The following PCDH11Y variants were observed in gnomAD, a reference collection of about 807,000 sequenced individuals.
PCDH11Y encodes protocadherin-11 Y-linked.
For missense variants in PCDH11Y, 12 were observed against 224.8 expected (o/e 0.05, Z 6.05); for synonymous variants, 9 against 83.6 (o/e 0.11, Z 4.87).
intron 4 of PCDH11Y, among the ~76,000 whole-genome samples, chrY:5,619,027 TGAAA>T (rs2053497236): frequency 1.1e-4 from 3 of 26,535 alleles, no homozygotes; most frequent in African/African-American, 2.8e-4. Context: ...AAAGAATGAA[TGAAA>T]GAAAGAAAGA....
At chrY:5,346,300 G>C (rs2053152570) in intron 2 of PCDH11Y, among the ~76,000 whole-genome samples, 1 of 32,181 alleles carries the variant, frequency 3.1e-5, no homozygotes, top group Non-Finnish European at 7.6e-5. Context: ...CGCAATCTCG[G>C]CTCACTGCAA....
intron 4 of PCDH11Y, among the ~76,000 whole-genome samples, chrY:5,586,422 C>G (rs2053456035): frequency 3.1e-5 from 1 of 32,162 alleles, no homozygotes; most frequent in Non-Finnish European, 7.6e-5. Context: ...ATAGGAATAC[C>G]AGCACTTTTT....
intron 1 of PCDH11Y, among the ~76,000 whole-genome samples, chrY:5,024,789 G>A: frequency 3.1e-5 from 1 of 32,336 alleles, no homozygotes; most frequent in Non-Finnish European, 7.6e-5. Flanking sequence ...TTTGCCATCA[G>A]TTATCTTTTT....
chrY:5,477,966 C>T, intron 2 of PCDH11Y, among the ~76,000 whole-genome samples: 1 of 32,922 alleles, frequency 3.0e-5, no homozygotes. Context: ...TTTCATAAAA[C>T]CGGTTCCTGG....
chrY:5,477,465 CACTT>C (rs2053320591), intron 2 of PCDH11Y, among the ~76,000 whole-genome samples: 1 of 32,361 alleles, frequency 3.1e-5, no homozygotes, highest in Admixed American at 2.8e-4. Flanking sequence ...ACTGGCCTGA[CACTT>C]TCTTTTTTTG....
chrY:5,107,365 C>G, downstream of PCDH11Y, among the ~76,000 whole-genome samples: 2 of 33,231 alleles, frequency 6.0e-5, no homozygotes, highest in Non-Finnish European at 1.5e-4. Flanking sequence ...CCATATAAGC[C>G]AATGATAGTA....
At chrY:5,407,506 G>T (rs2573958) in intron 2 of PCDH11Y, among the ~76,000 whole-genome samples, 1 of 33,345 alleles carries the variant, frequency 3.0e-5, no homozygotes, top group East Asian at 7.9e-4. Context: ...GGCATCCAAT[G>T]CAGTTTTTCA....
At chrY:5,113,717 TA>T (rs1452064599) in intron 2 of PCDH11Y, among the ~76,000 whole-genome samples, 2 of 18,570 alleles carry the variant, frequency 1.1e-4, no homozygotes, top group Non-Finnish European at 2.3e-4. Context: ...TATCAGGGTT[TA>T]AAAAAAAAAA....
intron 2 of PCDH11Y, among the ~76,000 whole-genome samples, chrY:5,308,617 G>C: frequency 1.5e-4 from 5 of 32,864 alleles, no homozygotes; most frequent in African/African-American, 6.0e-4. Flanking sequence ...AGCCGAGATT[G>C]CACCACTGCA....
intron 2 of PCDH11Y, among the ~76,000 whole-genome samples, chrY:5,313,849 A>G (rs2053104332): frequency 3.1e-5 from 1 of 32,635 alleles, no homozygotes; most frequent in African/African-American, 1.2e-4. Context: ...GTTTTAACAT[A>G]AAGAGAATGA....
At chrY:5,307,116 A>G (rs1602901922) in intron 2 of PCDH11Y, among the ~76,000 whole-genome samples, 1 of 31,255 alleles carries the variant, frequency 3.2e-5, no homozygotes, top group South Asian at 7.5e-4. Flanking sequence ...AGGATGACCA[A>G]TGTGCTTTAT....
At position 5,087,121 on chromosome Y, in the gene PCDH11Y, A is replaced by G. The variant is rs1602859830; in HGVS notation, c.637-11094A>G. Reference sequence around the variant, plus strand: ...GTTGGCACTCAAACCACAACATGCAATCCTTCCCTTGCTTCCCTCTACTTT... The same window carrying G: ...GTTGGCACTCAAACCACAACATGCAGTCCTTCCCTTGCTTCCCTCTACTTT... On this transcript the variant is annotated intron_variant, in intron 1 of 1. Transcript: ENST00000215473. Among the ~76,000 whole-genome samples, 30 of 33,604 alleles carry G rather than the reference A, an allele frequency of 8.9e-4. No homozygotes were observed. In the East Asian group the frequency reaches 0.013, roughly 14 times the overall value. The allele number at this position is 33,604 out of a possible 37,273, so 90.2% of individuals were successfully genotyped here.
At chrY:5,620,163 A>G in intron 4 of PCDH11Y, among the ~76,000 whole-genome samples, 1 of 32,711 alleles carries the variant, frequency 3.1e-5, no homozygotes, top group Admixed American at 2.8e-4. Flanking sequence ...ATCTAGACTC[A>G]TAAAGAAGAA....
At chrY:5,624,942 T>A in intron 4 of PCDH11Y, among the ~76,000 whole-genome samples, 1 of 32,994 alleles carries the variant, frequency 3.0e-5, no homozygotes, top group Non-Finnish European at 7.5e-5. Context: ...AGTTGTTTGA[T>A]TGGAATAGCA....
chrY:5,399,751 C>T, intron 2 of PCDH11Y, among the ~76,000 whole-genome samples: 1 of 31,705 alleles, frequency 3.2e-5, no homozygotes, highest in Non-Finnish European at 7.6e-5. Flanking sequence ...CCGCCCGCTT[C>T]GGCCTCCCAA....
At chrY:5,454,401 A>G (rs2053295860) in intron 2 of PCDH11Y, among the ~76,000 whole-genome samples, 1 of 33,079 alleles carries the variant, frequency 3.0e-5, no homozygotes, top group African/African-American at 1.2e-4. Context: ...CCAGGTGCAC[A>G]GTATGAGCTC....
At chrY:5,575,632 T>C in intron 3 of PCDH11Y, among the ~76,000 whole-genome samples, 2 of 33,861 alleles carry the variant, frequency 5.9e-5, no homozygotes, top group East Asian at 7.9e-4. Flanking sequence ...GATTGAGTTT[T>C]ATCCCTGTTT....
intron 4 of PCDH11Y, among the ~76,000 whole-genome samples, chrY:5,653,542 C>T (rs2124706446): frequency 3.1e-5 from 1 of 31,914 alleles, no homozygotes; most frequent in South Asian, 7.2e-4. Context: ...TGAAATGAAG[C>T]GAGAAGAGAA....
At chrY:5,016,215 G>A (rs2052560922) in intron 1 of PCDH11Y, among the ~76,000 whole-genome samples, 2 of 33,328 alleles carry the variant, frequency 6.0e-5, no homozygotes, top group Admixed American at 2.8e-4. Context: ...GCTATGAACA[G>A]TTACACCTAC....
Sources: gnomAD v4.1 joint callset for allele counts (sites outside exome capture counted in the v4.1 genomes callset) on GRCh38, gnomAD v4.1.1 for gene constraint, MANE v1.5 for transcripts, NCBI Gene and HGNC (gene_info 2026-07-23, HGNC 2026-07-21) for gene names.